Variants in AP2A2 observed in about 807,000 individuals in gnomAD.
AP2A2 encodes AP-2 complex subunit alpha-2.
In AP2A2, 32 loss-of-function variants were observed where a neutral mutation model predicts 104.2. The ratio of observed to expected loss-of-function variants is 0.31; its 90% CI spans 0.23 to 0.41. The LOEUF (loss-of-function observed/expected upper bound fraction) is 0.41, where lower values mean the gene tolerates loss of function less well. Among genes scored for constraint, AP2A2 ranks in the 10% least tolerant of loss-of-function variants. The pLI is 1.00. For missense variants in AP2A2, 912 were observed against 1,261.0 expected (o/e 0.72, Z 4.19); for synonymous variants, 539 against 533.3 (o/e 1.01, Z -0.15).
intron 5 of AP2A2, among the ~76,000 whole-genome samples, chr11:979,766 C>T (rs748967529): frequency 2.0e-5 from 3 of 152,142 alleles, no homozygotes; most frequent in African/African-American, 7.2e-5. Flanking sequence ...GGGGTTTCAC[C>T]GTGTTGGCCA....
Position 925,980 on chromosome 11 carries a change from C to T in AP2A2, c.-42C>T, listed in dbSNP as rs765017203. On this transcript the variant is annotated 5_prime_UTR_variant, in exon 1 of 22. Transcript: ENST00000448903. ...CCGCTTCCCGCTCCCCGCGCTCCTCCGCCCGGGTCCGCCAGCCGAGGCCGC... is the reference window on the plus strand; with the variant it reads ...CCGCTTCCCGCTCCCCGCGCTCCTCTGCCCGGGTCCGCCAGCCGAGGCCGC... The T allele has an allele frequency of 1.7e-5, 24 of 1,372,766 alleles. No individual in the cohort carries two copies. The highest frequency in any genetic ancestry group is 2.3e-5 in the Non-Finnish European group (24 of 1,045,792). 85.0% of individuals were successfully genotyped at this position (1,372,766 alleles called of 1,614,324 possible). A position where few individuals can be genotyped will look rare whatever the true frequency, so the allele number is the denominator to read the frequency against.
At chr11:1,001,502 G>A (rs1856029441) in intron 15 of AP2A2, 1 of 152,276 alleles carries the variant, frequency 6.6e-6, no homozygotes, top group Admixed American at 6.5e-5. Context: ...CTGTAATAGA[G>A]TTCTGGTGTT....
chr11:933,512 G>T (rs78105371), intron 1 of AP2A2: 3 of 456,022 alleles, frequency 6.6e-6, no homozygotes, highest in Non-Finnish European at 1.3e-5. Flanking sequence ...GTGTAGAAGT[G>T]GGGGCTGAAG....
rs1836064656 is a variant in AP2A2 at position 968,791 on chromosome 11, G to T, written c.137-1378G>T. Among the ~76,000 whole-genome samples, 1 of 152,016 alleles carries T rather than the reference G, an allele frequency of 6.6e-6. No homozygotes were observed. Among genetic ancestry groups the T allele is most frequent in the South Asian group, 2.1e-4 (1 of 4,824 alleles). ...CAAGCAGATAAGTGGGTCGGGGCCG[G>T]GGGAGGGAGGAACCAGGTCGGGTCT... On this transcript the variant is annotated intron_variant, in intron 2 of 21. Transcript: ENST00000448903. The surrounding 1 kb of genome is among the most constrained non-coding windows in gnomAD (Gnocchi z 4.2).
intron 1 of AP2A2, among the ~76,000 whole-genome samples, chr11:926,916 C>T (rs922676123): frequency 2.6e-5 from 4 of 152,160 alleles, no homozygotes; most frequent in African/African-American, 9.7e-5. Flanking sequence ...GTGCACCGGT[C>T]CACCAATTAA....
Position 1,011,296 on chromosome 11 carries a change from T to C in AP2A2, c.*671T>C. The C allele has an allele frequency of 1.9e-6, 1 of 518,854 alleles. No homozygotes were observed. The highest frequency in any genetic ancestry group is 1.4e-5 in the South Asian group (1 of 71,590). 32.1% of individuals were successfully genotyped at this position (518,854 alleles called of 1,614,324 possible). On this transcript the variant is annotated 3_prime_UTR_variant, in exon 22 of 22. Coordinates refer to ENST00000448903, the MANE Select transcript of AP2A2 (RefSeq NM_012305.4). Reference sequence around the variant, plus strand: ...CTCCTGCAGTCGCCGAGGCCTTGGATGTGCAGCCAGGGGAGGAGCGTCCTG... The same window carrying C: ...CTCCTGCAGTCGCCGAGGCCTTGGACGTGCAGCCAGGGGAGGAGCGTCCTG...
At chr11:976,956 C>G in intron 4 of AP2A2, 139 bp from the exon 5 acceptor site, 2 of 1,164,016 alleles carry the variant, frequency 1.7e-6, no homozygotes, top group Admixed American at 2.4e-5. Flanking sequence ...TAGGCGGCCT[C>G]GGCAGGCGGC....
chr11:1,003,240 G>A (rs1034351503), intron 15 of AP2A2, among the ~76,000 whole-genome samples: 4 of 152,240 alleles, frequency 2.6e-5, no homozygotes, highest in East Asian at 1.9e-4. Flanking sequence ...AGATGGGGGC[G>A]CCCAGGGCCC....
chr11:1,002,956 T>C (rs897868981), intron 15 of AP2A2, among the ~76,000 whole-genome samples: 1 of 152,244 alleles, frequency 6.6e-6, no homozygotes, highest in Non-Finnish European at 1.5e-5. Context: ...CACATCCATC[T>C]CTGTGCTGGG....
chr11:939,489 G>C (rs1447303736), intron 1 of AP2A2, among the ~76,000 whole-genome samples: 1 of 151,960 alleles, frequency 6.6e-6, no homozygotes, highest in Non-Finnish European at 1.5e-5. Flanking sequence ...CTGTTGCCCA[G>C]GCTGGAGTAC....
intron 14 of AP2A2, among the ~76,000 whole-genome samples, chr11:995,055 A>T (rs1296507708): frequency 6.6e-6 from 1 of 152,176 alleles, no homozygotes; most frequent in Non-Finnish European, 1.5e-5. Context: ...CCCGGGGGCC[A>T]CTGTGCCTGC....
Position 928,646 on chromosome 11 carries a change from G to A in AP2A2, c.67+2558G>A, listed in dbSNP as rs367709947. 1.4e-3 allele frequency among the ~76,000 whole-genome samples: 215 copies of A among 152,356 alleles called. 2 individuals are homozygous for A. Among genetic ancestry groups the A allele is most frequent in the African/African-American group, 5.0e-3 (206 of 41,574 alleles). On this transcript the variant is annotated intron_variant, in intron 1 of 21. Transcript: ENST00000448903. ...AATGTCTCCAGGCATTGACAAATGT[G>A]CCCTTAGGGCAAAGTTGTCCGCCGT...
chr11:926,589 G>A (rs925826481), intron 1 of AP2A2, among the ~76,000 whole-genome samples: 1 of 152,170 alleles, frequency 6.6e-6, no homozygotes, highest in Non-Finnish European at 1.5e-5. Flanking sequence ...TTCCAAAACG[G>A]CGTGGATTTT....
At chr11:962,422 T>G (rs1388089983) in intron 2 of AP2A2, among the ~76,000 whole-genome samples, 1 of 152,190 alleles carries the variant, frequency 6.6e-6, no homozygotes, top group Non-Finnish European at 1.5e-5. Flanking sequence ...TTCAAAGACT[T>G]TGCTAGGCTG....
At chr11:926,202 G>A in intron 1 of AP2A2, 114 bp downstream of exon 1, 1 of 693,732 alleles carries the variant, frequency 1.4e-6, no homozygotes, top group Non-Finnish European at 2.0e-6. Flanking sequence ...GGATGCGGGC[G>A]GGGCCCGGGG....
chr11:987,376 G>A lies in AP2A2; in HGVS notation c.1131+423G>A, dbSNP rs557411527. 9.2e-5 allele frequency among the ~76,000 whole-genome samples: 14 copies of A among 152,282 alleles called. No homozygotes were observed. The East Asian group carries it at 2.3e-3, about 25-fold the overall frequency. ...TAAAATTTCAGAGTTGGGGCCGGGC[G>A]CGGTGGCTGACGCCTGTAATCCCAG... On this transcript the variant is annotated intron_variant, in intron 9 of 21. Coordinates refer to ENST00000448903, the MANE Select transcript of AP2A2 (RefSeq NM_012305.4).
chr11:935,778 T>C (rs1853438502), intron 1 of AP2A2, among the ~76,000 whole-genome samples: 1 of 151,160 alleles, frequency 6.6e-6, no homozygotes, highest in Admixed American at 6.6e-5. Context: ...GTATTTTTAG[T>C]AGAGACGGAG....
intron 1 of AP2A2, chr11:948,462 CA>C (rs1431000950): frequency 6.6e-6 from 1 of 152,196 alleles, no homozygotes; most frequent in African/African-American, 2.4e-5. Context: ...TGGAACAATA[CA>C]GAGATTAGCA....
intron 1 of AP2A2, among the ~76,000 whole-genome samples, chr11:936,528 G>A (rs965657430): frequency 6.6e-6 from 1 of 151,944 alleles, no homozygotes; most frequent in African/African-American, 2.4e-5. Context: ...TGAGTGGCTG[G>A]GACCACAGCC....
Sources: allele counts gnomAD v4.1 joint callset (sites outside exome capture counted in the v4.1 genomes callset), GRCh38; gene constraint gnomAD v4.1.1; non-coding constraint Gnocchi (gnomAD v3.1); transcripts MANE v1.5; gene names NCBI Gene and HGNC (gene_info 2026-07-23, HGNC 2026-07-21).